Variants in ZNF385B observed in about 807,000 individuals in gnomAD.
The protein encoded by ZNF385B is zinc finger protein 385B.
A neutral mutation model predicts 39.2 loss-of-function variants in ZNF385B; 23 were observed. That is an observed-to-expected ratio of 0.59 (90% CI 0.42 to 0.83). The LOEUF is 0.83. Among genes scored for constraint, ZNF385B ranks in the 40% least tolerant of loss-of-function variants. The probability of loss-of-function intolerance (pLI) is 0.00; values close to 1 mark genes in which losing one functional copy is unlikely to be tolerated. For missense variants in ZNF385B, 552 were observed against 598.9 expected, an observed-to-expected ratio of 0.92 and a Z score of 0.82; for synonymous variants, 205 against 222.6, an observed-to-expected ratio of 0.92 and a Z score of 0.70.
chr2:179,749,011 T>C (rs1702528270), intron 3 of ZNF385B, among the ~76,000 whole-genome samples: 1 of 152,142 alleles, frequency 6.6e-6, no homozygotes, highest in South Asian at 2.1e-4. Context: ...TCATTTTCTA[T>C]CTGAAGAAGG....
chr2:179,630,979 A>G (rs1181690438), intron 3 of ZNF385B, among the ~76,000 whole-genome samples: 2 of 152,176 alleles, frequency 1.3e-5, no homozygotes, highest in Non-Finnish European at 2.9e-5. Context: ...AAAAAAGAGT[A>G]AAAAGAAATG....
At chr2:179,735,357 G>A (rs1408986643) in intron 3 of ZNF385B, among the ~76,000 whole-genome samples, 6 of 145,182 alleles carry the variant, frequency 4.1e-5, no homozygotes, top group Admixed American at 1.4e-4. Context: ...AGTTAGAATG[G>A]CAATCATTAA....
At chr2:179,519,847 T>C (rs916214228) in intron 4 of ZNF385B, among the ~76,000 whole-genome samples, 1 of 152,232 alleles carries the variant, frequency 6.6e-6, no homozygotes, top group African/African-American at 2.4e-5. Flanking sequence ...ATACTATCTC[T>C]GATCATGATT....
intron 4 of ZNF385B, among the ~76,000 whole-genome samples, chr2:179,529,371 G>T (rs970464641): frequency 3.3e-5 from 5 of 152,110 alleles, no homozygotes; most frequent in Non-Finnish European, 2.9e-5. Context: ...CTTTAGGGGA[G>T]ACAGGTATTT....
intron 3 of ZNF385B, among the ~76,000 whole-genome samples, chr2:179,633,611 A>G (rs1691448393): frequency 2.0e-5 from 3 of 152,234 alleles, no homozygotes; most frequent in Admixed American, 2.0e-4. Context: ...GAATGGGCAA[A>G]ACCAGGAAGT....
At chr2:179,597,594 A>T (rs1688099607) in intron 3 of ZNF385B, among the ~76,000 whole-genome samples, 1 of 152,126 alleles carries the variant, frequency 6.6e-6, no homozygotes, top group Admixed American at 6.6e-5. Context: ...TAGTCACTCC[A>T]TCTGAGCTTT....
intron 4 of ZNF385B, among the ~76,000 whole-genome samples, chr2:179,526,318 G>A (rs998030020): frequency 1.3e-5 from 2 of 152,102 alleles, no homozygotes; most frequent in African/African-American, 2.4e-5. Flanking sequence ...GGCCAGGCGC[G>A]GTGGCTCACG....
intron 1 of ZNF385B, among the ~76,000 whole-genome samples, chr2:179,859,440 T>G (rs1306742032): frequency 6.6e-6 from 1 of 152,220 alleles, no homozygotes; most frequent in Non-Finnish European, 1.5e-5. Flanking sequence ...AATAATATAC[T>G]GCAAACAAAG....
At chr2:179,671,919 C>T (rs1696060475) in intron 3 of ZNF385B, among the ~76,000 whole-genome samples, 2 of 152,386 alleles carry the variant, frequency 1.3e-5, no homozygotes, top group South Asian at 4.1e-4. Context: ...CAAGGCCTAG[C>T]AGAACTGGGA....
intron 3 of ZNF385B, among the ~76,000 whole-genome samples, chr2:179,695,068 T>C (rs987198583): frequency 3.3e-5 from 5 of 152,230 alleles, no homozygotes; most frequent in Admixed American, 1.3e-4. Flanking sequence ...ATTATAAAAA[T>C]GGTTTTCTCT....
chr2:179,663,805 G>C (rs1177119392), intron 3 of ZNF385B, among the ~76,000 whole-genome samples: 1 of 150,700 alleles, frequency 6.6e-6, no homozygotes, highest in African/African-American at 2.5e-5. Flanking sequence ...CTAGCTATGC[G>C]TCAGGCATCC....
chr2:179,682,468 C>T (rs1026065308), intron 3 of ZNF385B, among the ~76,000 whole-genome samples: 1 of 152,056 alleles, frequency 6.6e-6, no homozygotes, highest in Admixed American at 6.6e-5. Context: ...TGTTCTGATC[C>T]CAAAATCCTG....
chr2:179,766,775 T>C (rs1330215276), intron 3 of ZNF385B, among the ~76,000 whole-genome samples: 5 of 152,166 alleles, frequency 3.3e-5, no homozygotes, highest in African/African-American at 9.7e-5. Context: ...TTCCAATATA[T>C]TTTTTTGTGT....
chr2:179,487,390 C>T (rs1050679862), intron 5 of ZNF385B, among the ~76,000 whole-genome samples: 5 of 152,256 alleles, frequency 3.3e-5, no homozygotes, highest in African/African-American at 1.2e-4. Context: ...CTTTCCCATT[C>T]TCCTGTGGTA....
intron 5 of ZNF385B, among the ~76,000 whole-genome samples, chr2:179,496,627 T>A (rs572792915): frequency 5.3e-5 from 8 of 152,134 alleles, no homozygotes; most frequent in Non-Finnish European, 1.0e-4. Flanking sequence ...AGAGCTCCAA[T>A]ACATCTGCCA....
intron 1 of ZNF385B, among the ~76,000 whole-genome samples, chr2:179,823,065 G>A (rs1370905730): frequency 1.3e-5 from 2 of 152,076 alleles, no homozygotes; most frequent in African/African-American, 2.4e-5. Flanking sequence ...CAAAATTCAC[G>A]CTGAATCAAA....
Position 179,708,474 on chromosome 2 carries a change from TTCA to T in ZNF385B, c.298+61026_298+61028del, listed in dbSNP as rs1289090653. Among the ~76,000 whole-genome samples the T allele has an allele frequency of 3.9e-5, 6 of 152,182 alleles. No individual in the cohort carries two copies. The South Asian group carries it at 1.2e-3, about 32-fold the overall frequency. Reference sequence around the variant, plus strand: ...AAATGCACTCTCACACATGGTGACCTTCATCATCAGTTCCAAGGGCCTATAATA... The same window carrying T: ...AAATGCACTCTCACACATGGTGACCTTCATCAGTTCCAAGGGCCTATAATA... On this transcript the variant is annotated intron_variant, in intron 3 of 9. Transcript: ENST00000410066.
intron 3 of ZNF385B, among the ~76,000 whole-genome samples, chr2:179,747,629 T>A: frequency 6.6e-6 from 1 of 152,136 alleles, no homozygotes; most frequent in Non-Finnish European, 1.5e-5. Flanking sequence ...TTACCACACA[T>A]GAAGCTCCCT....
chr2:179,670,235 T>A (rs1575163117), intron 3 of ZNF385B, among the ~76,000 whole-genome samples: 7 of 134,032 alleles, frequency 5.2e-5, no homozygotes. Flanking sequence ...GAGCTTGCAG[T>A]GGGCCGAGAT....
Sources: allele counts gnomAD v4.1 joint callset (sites outside exome capture counted in the v4.1 genomes callset), GRCh38; gene constraint gnomAD v4.1.1; transcripts MANE v1.5; gene names NCBI Gene and HGNC (gene_info 2026-07-23, HGNC 2026-07-21).